The following CDH13 variants were observed in gnomAD, a reference collection of about 807,000 sequenced individuals.
CDH13 encodes cadherin-13.
In CDH13, 24 loss-of-function variants were observed where a neutral mutation model predicts 63.8. The ratio of observed to expected loss-of-function variants is 0.38; its 90% CI spans 0.27 to 0.53. CDH13 has a LOEUF of 0.53. Among genes scored for constraint, CDH13 ranks in the 20% least tolerant of loss-of-function variants. The probability of loss-of-function intolerance (pLI) is 0.85; values close to 1 mark genes in which losing one functional copy is unlikely to be tolerated. For missense variants in CDH13, 1,049 were observed against 903.1 expected (o/e 1.16, Z -2.07); for synonymous variants, 503 against 355.3 (o/e 1.42, Z -4.67).
chr16:83,782,065 T>C (rs1421893270), intron 12 of CDH13, among the ~76,000 whole-genome samples: 1 of 152,234 alleles, frequency 6.6e-6, no homozygotes, highest in Non-Finnish European at 1.5e-5. Flanking sequence ...CTTCTGGTAA[T>C]GATCATGCTT....
At chr16:83,604,676 T>C (rs1261884904) in intron 8 of CDH13, among the ~76,000 whole-genome samples, 1 of 152,200 alleles carries the variant, frequency 6.6e-6, no homozygotes. Context: ...GGGGGATTTT[T>C]GTTTATCTTT....
At chr16:82,805,469 C>T (rs1194727625) in intron 1 of CDH13, among the ~76,000 whole-genome samples, 1 of 152,092 alleles carries the variant, frequency 6.6e-6, no homozygotes, top group African/African-American at 2.4e-5. Context: ...CCAAATCTTG[C>T]AAAATGCCAG....
At chr16:83,480,106 C>G (rs558986775) in intron 6 of CDH13, among the ~76,000 whole-genome samples, 1 of 152,256 alleles carries the variant, frequency 6.6e-6, no homozygotes, top group African/African-American at 2.4e-5. Flanking sequence ...GGGCAGATCG[C>G]TTGACTCCAG....
At chr16:83,010,135 C>CAAAAAAAAAAAAAAAAAAAAAAAAAAAAA (rs67985333) in intron 2 of CDH13, among the ~76,000 whole-genome samples, 2 of 50,118 alleles carry the variant, frequency 4.0e-5, no homozygotes, top group Non-Finnish European at 6.7e-5. Context: ...AACTCTGTCT[C>CAAAAAAAAAAAAAAAAAAAAAAAAAAAAA]AAAAAAAAAA....
intron 4 of CDH13, among the ~76,000 whole-genome samples, chr16:83,142,218 T>C (rs6565134): frequency 0.29 from 42,907 of 146,358 alleles, 7,143 homozygotes; most frequent in African/African-American, 0.46. Context: ...TAAAGTGCAG[T>C]GGTGTAATCT....
chr16:82,660,251 G>T (rs1911776872), intron 1 of CDH13, among the ~76,000 whole-genome samples: 1 of 152,180 alleles, frequency 6.6e-6, no homozygotes, highest in Admixed American at 6.5e-5. Context: ...GGAACCTGGA[G>T]ATAAATATGG....
At chr16:83,109,683 A>C (rs2064217309) in intron 3 of CDH13, among the ~76,000 whole-genome samples, 1 of 152,152 alleles carries the variant, frequency 6.6e-6, no homozygotes, top group South Asian at 2.1e-4. Context: ...GCAGGAGTAC[A>C]TATGTGTATT....
intron 1 of CDH13, among the ~76,000 whole-genome samples, chr16:82,726,716 T>C (rs187423823): frequency 6.6e-6 from 1 of 152,254 alleles, no homozygotes; most frequent in African/African-American, 2.4e-5. Context: ...TTGTAAGAGT[T>C]AGCAGAGATT....
chr16:82,973,092 C>G (rs1909001404), intron 2 of CDH13, among the ~76,000 whole-genome samples: 1 of 152,228 alleles, frequency 6.6e-6, no homozygotes. Context: ...CTCAGCATTT[C>G]TGCCACTCTT....
intron 2 of CDH13, among the ~76,000 whole-genome samples, chr16:82,939,836 T>G (rs2042778950): frequency 6.6e-6 from 1 of 152,210 alleles, no homozygotes; most frequent in African/African-American, 2.4e-5. Flanking sequence ...TCAAATATAT[T>G]TCATTCCACT....
At chr16:83,104,960 C>G (rs1057504622) in intron 3 of CDH13, among the ~76,000 whole-genome samples, 1 of 152,238 alleles carries the variant, frequency 6.6e-6, no homozygotes, top group Non-Finnish European at 1.5e-5. Flanking sequence ...CTCATTTTCT[C>G]TGAGAAAGGA....
chr16:82,747,657 T>G, intron 1 of CDH13, among the ~76,000 whole-genome samples: 1 of 152,202 alleles, frequency 6.6e-6, no homozygotes, highest in East Asian at 1.9e-4. Flanking sequence ...GCTTTAATGC[T>G]TACGAGAGTT....
intron 6 of CDH13, among the ~76,000 whole-genome samples, chr16:83,421,986 C>G (rs1038806135): frequency 1.2e-4 from 18 of 152,156 alleles, no homozygotes; most frequent in African/African-American, 4.3e-4. Context: ...AAAAAACTGT[C>G]ATATGAACAA....
rs552991302 is a variant in CDH13, at chr16:83,678,327, C to T, written c.1404C>T (p.Val468=). 6.2e-6 allele frequency: 10 copies of T among 1,614,006 alleles called. No individual in the cohort carries two copies. The East Asian group carries it at 1.8e-4, about 29-fold the overall frequency. Residue 468 remains valine (V), a synonymous_variant, in exon 10 of 14, where the codon GTC becomes GTT. Transcript: ENST00000567109. ...CCACAGCCACCGTCCACATCACTGT[C>T]CTGGATGTCAACGAGGGCCCAGTCT... The part of the protein sequence containing the change: ...PSSTATVHIT[V]LDVNEGPVFY...
intron 1 of CDH13, among the ~76,000 whole-genome samples, chr16:82,699,893 A>G (rs763669709): frequency 5.8e-4 from 89 of 152,242 alleles, no homozygotes; most frequent in Admixed American, 2.4e-3. Context: ...CACTGATGCA[A>G]TGTTTCAACA....
At chr16:83,298,453 C>G (rs371445198) in intron 5 of CDH13, among the ~76,000 whole-genome samples, 1 of 152,046 alleles carries the variant, frequency 6.6e-6, no homozygotes. Flanking sequence ...TGACGGATTC[C>G]TAGGCCCTAC....
chr16:82,659,828 A>G (rs775892070), intron 1 of CDH13, among the ~76,000 whole-genome samples: 4 of 152,286 alleles, frequency 2.6e-5, no homozygotes, highest in Non-Finnish European at 4.4e-5. Context: ...TGTGCATGGC[A>G]GGATGTCCAG....
At chr16:83,625,065 A>G (rs1910162935) in intron 8 of CDH13, among the ~76,000 whole-genome samples, 1 of 152,116 alleles carries the variant, frequency 6.6e-6, no homozygotes, top group African/African-American at 2.4e-5. Flanking sequence ...ACAAGCTACA[A>G]ATCAGGGCTT....
chr16:83,397,829 C>T (rs2091910504), intron 6 of CDH13: 1 of 152,186 alleles, frequency 6.6e-6, no homozygotes, highest in Non-Finnish European at 1.5e-5. Flanking sequence ...GCAGTTTGCC[C>T]TGTCCATATT....
Sources: allele counts gnomAD v4.1 joint callset (sites outside exome capture counted in the v4.1 genomes callset), GRCh38; gene constraint gnomAD v4.1.1; transcripts MANE v1.5; gene names NCBI Gene and HGNC (gene_info 2026-07-23, HGNC 2026-07-21).